The following DACH1 variants were observed in gnomAD, a reference collection of about 807,000 sequenced individuals.
DACH1 encodes dachshund homolog 1.
A neutral mutation model predicts 54.2 loss-of-function variants in DACH1; 12 were observed. The ratio of observed to expected loss-of-function variants is 0.22; its 90% CI spans 0.14 to 0.36. The LOEUF (loss-of-function observed/expected upper bound fraction) is 0.36, where lower values mean the gene tolerates loss of function less well. Among genes scored for constraint, DACH1 ranks in the 10% least tolerant of loss-of-function variants. The probability of loss-of-function intolerance (pLI) is 1.00; values close to 1 mark genes in which losing one functional copy is unlikely to be tolerated. For synonymous variants in DACH1, 386 were observed against 366.2 expected, an observed-to-expected ratio of 1.05 and a Z score of -0.62; for missense variants, 805 against 929.8, an observed-to-expected ratio of 0.87 and a Z score of 1.75.
At chr13:71,583,887 C>T (rs1033631094) in intron 3 of DACH1, among the ~76,000 whole-genome samples, 2 of 152,020 alleles carry the variant, frequency 1.3e-5, no homozygotes, top group South Asian at 2.1e-4. Flanking sequence ...AACAATGAAT[C>T]GTTATCTGAT....
chr13:71,506,052 A>C (rs1202798416), intron 6 of DACH1, among the ~76,000 whole-genome samples: 1 of 152,146 alleles, frequency 6.6e-6, no homozygotes, highest in Non-Finnish European at 1.5e-5. Context: ...CATTAGAAAA[A>C]TTTAAATAAA....
At chr13:71,644,790 C>T (rs1215484448) in intron 2 of DACH1, among the ~76,000 whole-genome samples, 1 of 152,166 alleles carries the variant, frequency 6.6e-6, no homozygotes, top group Non-Finnish European at 1.5e-5. Flanking sequence ...CTTACACCAG[C>T]AGCACCAGGT....
At chr13:71,521,781 T>A (rs1398315086) in intron 6 of DACH1, among the ~76,000 whole-genome samples, 1 of 152,076 alleles carries the variant, frequency 6.6e-6, no homozygotes, top group Non-Finnish European at 1.5e-5. Context: ...GCTTCATGGT[T>A]CCCTCTCAAA....
intron 1 of DACH1, among the ~76,000 whole-genome samples, chr13:71,732,350 C>T (rs149172535): frequency 0.017 from 2,565 of 151,932 alleles, 45 homozygotes; most frequent in African/African-American, 0.045. Context: ...TTTGGGAGGC[C>T]GAGGCGGATG....
chr13:71,796,960 A>G (rs1887080998), intron 1 of DACH1, among the ~76,000 whole-genome samples: 1 of 151,984 alleles, frequency 6.6e-6, no homozygotes, highest in African/African-American at 2.4e-5. Flanking sequence ...CTCCATGGTA[A>G]GAAATATTAA....
chr13:71,681,744 G>T, intron 2 of DACH1, 51 bp downstream of exon 2: 2 of 1,344,298 alleles, frequency 1.5e-6, no homozygotes, highest in Non-Finnish European at 2.1e-6. Flanking sequence ...TAAAAGCTAC[G>T]ACATTGGCTG....
chr13:71,866,873 G>GCCCCCCCCCCC lies in DACH1; in HGVS notation c.-105_-104insGGGGGGGGGGG. 1.5e-6 allele frequency: 1 copy of GCCCCCCCCCCC among 682,364 alleles called. No homozygotes were observed. Among genetic ancestry groups the GCCCCCCCCCCC allele is most frequent in the African/African-American group, 2.0e-5 (1 of 50,144 alleles). The allele number at this position is 682,364 out of a possible 1,614,324, so 42.3% of individuals were successfully genotyped here. On this transcript the variant is annotated 5_prime_UTR_variant, in exon 1 of 11. Transcript: ENST00000613252. ...AAAGGGGGGAGAAGGAGCGAGGGGGGCAACAACAACTCCGGGAGAGAACGA... is the reference window on the plus strand; with the variant it reads ...AAAGGGGGGAGAAGGAGCGAGGGGGGCCCCCCCCCCCCAACAACAACTCCGGGAGAGAACGA...
chr13:71,784,159 T>G (rs1886499693), intron 1 of DACH1, among the ~76,000 whole-genome samples: 1 of 152,054 alleles, frequency 6.6e-6, no homozygotes, highest in Non-Finnish European at 1.5e-5. Flanking sequence ...AGGACCTGAA[T>G]AAATCGATAA....
intron 3 of DACH1, among the ~76,000 whole-genome samples, chr13:71,596,252 G>A (rs982774379): frequency 6.6e-6 from 1 of 151,954 alleles, no homozygotes; most frequent in Non-Finnish European, 1.5e-5. Flanking sequence ...TTGTTTTCAG[G>A]ATTCTTATTC....
At chr13:71,543,826 G>A (rs1033437254) in intron 6 of DACH1, among the ~76,000 whole-genome samples, 1 of 152,080 alleles carries the variant, frequency 6.6e-6, no homozygotes, top group Non-Finnish European at 1.5e-5. Flanking sequence ...AACTAAGAAA[G>A]GCACTTGATC....
chr13:71,865,170 A>C (rs996690098), intron 1 of DACH1, among the ~76,000 whole-genome samples: 7 of 151,792 alleles, frequency 4.6e-5, no homozygotes, highest in African/African-American at 1.7e-4. Context: ...TTTCCTTTGC[A>C]CACGCACTCG....
chr13:71,580,101 A>T (rs1885766514), intron 3 of DACH1, among the ~76,000 whole-genome samples: 1 of 152,186 alleles, frequency 6.6e-6, no homozygotes, highest in Non-Finnish European at 1.5e-5. Flanking sequence ...AATTTCTACA[A>T]CTTAAGTATA....
chr13:71,759,549 A>C (rs772324230), intron 1 of DACH1, among the ~76,000 whole-genome samples: 1 of 152,234 alleles, frequency 6.6e-6, no homozygotes, highest in Non-Finnish European at 1.5e-5. Context: ...CTGGGAATTT[A>C]AAGTTTAGCT....
chr13:71,749,881 C>T (rs117326430), intron 1 of DACH1, among the ~76,000 whole-genome samples: 2,217 of 152,148 alleles, frequency 0.015, 37 homozygotes, highest in African/African-American at 0.039. Flanking sequence ...GCTAGATAAG[C>T]GGAGAGCTGA....
intron 4 of DACH1, among the ~76,000 whole-genome samples, chr13:71,572,585 C>T (rs183558862): frequency 6.6e-6 from 1 of 152,210 alleles, no homozygotes. Flanking sequence ...TAAGAACACA[C>T]ACAATTTGAA....
intron 1 of DACH1, among the ~76,000 whole-genome samples, chr13:71,819,391 G>A (rs950012882): frequency 5.3e-5 from 8 of 152,226 alleles, no homozygotes; most frequent in African/African-American, 1.7e-4. Flanking sequence ...GGGCAAAGAC[G>A]CAGTGTGGAT....
At chr13:71,772,500 G>T (rs1292079709) in intron 1 of DACH1, among the ~76,000 whole-genome samples, 2 of 151,614 alleles carry the variant, frequency 1.3e-5, no homozygotes, top group Non-Finnish European at 3.0e-5. Context: ...TTAAAATATA[G>T]CTTGCCCTTT....
intron 1 of DACH1, among the ~76,000 whole-genome samples, chr13:71,757,334 G>C (rs926033990): frequency 6.6e-6 from 1 of 151,902 alleles, no homozygotes; most frequent in African/African-American, 2.4e-5. Context: ...TTTTTTAAAG[G>C]CATTTTCTTT....
intron 3 of DACH1, among the ~76,000 whole-genome samples, chr13:71,596,798 A>G (rs994252417): frequency 6.6e-6 from 1 of 152,170 alleles, no homozygotes; most frequent in Admixed American, 6.6e-5. Context: ...CATTTTTGGC[A>G]GACAAACAGC....
Sources: allele counts gnomAD v4.1 joint callset (sites outside exome capture counted in the v4.1 genomes callset), GRCh38; gene constraint gnomAD v4.1.1; transcripts MANE v1.5; gene names NCBI Gene and HGNC (gene_info 2026-07-23, HGNC 2026-07-21).